Variants in ADCY10 observed in about 807,000 individuals in gnomAD.
ADCY10 encodes adenylate cyclase type 10.
Under a neutral mutation model 183.3 loss-of-function variants are expected in ADCY10, and 156 were observed. The observed-to-expected ratio is 0.85, with a 90% CI of 0.75 to 0.97. The LOEUF (loss-of-function observed/expected upper bound fraction) is 0.97, where lower values mean the gene tolerates loss of function less well. Among genes scored for constraint, ADCY10 ranks in the 50% least tolerant of loss-of-function variants. ADCY10 has a pLI of 0.00. For missense variants in ADCY10, 1,745 were observed against 1,934.3 expected (o/e 0.90, Z 1.84); for synonymous variants, 645 against 670.0 (o/e 0.96, Z 0.58).
chr1:167,863,123 T>C (rs1666401898), intron 14 of ADCY10, among the ~76,000 whole-genome samples: 2 of 152,166 alleles, frequency 1.3e-5, no homozygotes, highest in South Asian at 4.1e-4. Flanking sequence ...CATATTGTTT[T>C]ATACTCAGAA....
At chr1:167,890,530 T>C (rs1457507602) in intron 8 of ADCY10, among the ~76,000 whole-genome samples, 1 of 152,160 alleles carries the variant, frequency 6.6e-6, no homozygotes, top group African/African-American at 2.4e-5. Flanking sequence ...GCACTGGATA[T>C]TGCCCAAGGC....
intron 1 of ADCY10, among the ~76,000 whole-genome samples, chr1:167,906,325 T>C (rs994480941): frequency 1.3e-5 from 2 of 151,294 alleles, no homozygotes; most frequent in African/African-American, 4.9e-5. Context: ...AACTCAAATG[T>C]TAAGAAGTGA....
intron 19 of ADCY10, among the ~76,000 whole-genome samples, chr1:167,847,567 C>T (rs750437938): frequency 2.6e-5 from 4 of 152,162 alleles, no homozygotes; most frequent in Non-Finnish European, 5.9e-5. Context: ...ATGCATGCGC[C>T]ACCATGCCCG....
chr1:167,838,008 A>T (rs892068062), intron 21 of ADCY10, among the ~76,000 whole-genome samples: 7 of 152,248 alleles, frequency 4.6e-5, no homozygotes, highest in African/African-American at 1.7e-4. Flanking sequence ...AGAAGAAAGA[A>T]TCCCAGAGAG....
At chr1:167,908,420 G>A (rs1308786926) in intron 1 of ADCY10, among the ~76,000 whole-genome samples, 2 of 152,114 alleles carry the variant, frequency 1.3e-5, no homozygotes, top group Admixed American at 1.3e-4. Flanking sequence ...GGAATGAGAT[G>A]TTGGTGGCTG....
At chr1:167,866,606 G>T (rs956048742) in intron 14 of ADCY10, among the ~76,000 whole-genome samples, 2 of 150,760 alleles carry the variant, frequency 1.3e-5, no homozygotes, top group Non-Finnish European at 3.0e-5. Flanking sequence ...CTTACTCATA[G>T]CAAAGGATAA....
Position 167,878,479 on chromosome 1 carries a change from G to A in ADCY10, c.1373C>T (p.Pro458Leu). ...AGTACGGCCCCAATACTGATACAAT[G>A]GTCCAGAATCTGCAACACCTTTCAT... ...KVMKGVADSG[P>L]LYQYWGRTEK... The change falls in exon 12 of 33, where the codon CCA becomes CTA. Residue 458 changes from proline (P) to leucine (L), a missense_variant. Pro to Leu is a moderately conservative substitution (Grantham distance 98). Coordinates refer to ENST00000367851, the MANE Select transcript of ADCY10 (RefSeq NM_018417.6). The A allele has an allele frequency of 6.2e-7, 1 of 1,614,080 alleles. No individual in the cohort carries two copies. Among genetic ancestry groups the A allele is most frequent in the Non-Finnish European group, 8.5e-7 (1 of 1,180,020 alleles).
At chr1:167,813,632 A>G (rs1322586669) in intron 31 of ADCY10, among the ~76,000 whole-genome samples, 1 of 152,224 alleles carries the variant, frequency 6.6e-6, no homozygotes, top group East Asian at 1.9e-4. Flanking sequence ...AAATACATGG[A>G]CAATTAAGTG....
At chr1:167,882,360 C>T (rs1316754571) in intron 9 of ADCY10, among the ~76,000 whole-genome samples, 1 of 151,868 alleles carries the variant, frequency 6.6e-6, no homozygotes, top group African/African-American at 2.4e-5. Context: ...TGGCGCATGC[C>T]TGTAATCCCA....
At chr1:167,854,569 C>T in intron 17 of ADCY10, 80 bp from the exon 18 acceptor site, 1 of 1,512,378 alleles carries the variant, frequency 6.6e-7, no homozygotes, top group Admixed American at 1.7e-5. Context: ...TTCTCAATCA[C>T]TTGAAAATAA....
chr1:167,846,959 T>C (rs1459212023), intron 19 of ADCY10, among the ~76,000 whole-genome samples: 1 of 151,670 alleles, frequency 6.6e-6, no homozygotes, highest in Non-Finnish European at 1.5e-5. Flanking sequence ...GGAGTCTCAC[T>C]CTTGTTGCCC....
intron 13 of ADCY10, among the ~76,000 whole-genome samples, chr1:167,873,680 G>A (rs971570906): frequency 1.3e-5 from 2 of 151,868 alleles, no homozygotes; most frequent in Non-Finnish European, 2.9e-5. Flanking sequence ...CTATCACCAG[G>A]AATCACAAAA....
At chr1:167,889,325 A>G (rs1354873725) in intron 8 of ADCY10, among the ~76,000 whole-genome samples, 1 of 152,226 alleles carries the variant, frequency 6.6e-6, no homozygotes, top group Non-Finnish European at 1.5e-5. Flanking sequence ...GCATCAACTG[A>G]AATGATAATA....
intron 8 of ADCY10, 33 bp from the exon 9 acceptor site, chr1:167,883,661 C>T: frequency 6.2e-7 from 1 of 1,610,746 alleles, no homozygotes; most frequent in Admixed American, 1.7e-5. Context: ...CTGTAGGTGT[C>T]CTTGGCAGTG....
At chr1:167,848,576 A>C in intron 18 of ADCY10, 87 bp from the exon 19 acceptor site, 2,492 of 1,410,452 alleles carry the variant, frequency 1.8e-3, no homozygotes, top group Non-Finnish European at 2.2e-3. Context: ...GATGGATCTC[A>C]TATGAGGAAG....
intron 1 of ADCY10, among the ~76,000 whole-genome samples, chr1:167,906,678 A>G (rs1398337500): frequency 6.6e-6 from 1 of 151,532 alleles, no homozygotes; most frequent in African/African-American, 2.4e-5. Context: ...AGTCCCAGCT[A>G]TTCAGGAGGC....
In ADCY10 at chr1:167,841,936, C is replaced by G. The variant is rs371489012; in HGVS notation, c.3007+3627G>C. Among the ~76,000 whole-genome samples, 10 of 152,306 alleles carry G rather than the reference C, an allele frequency of 6.6e-5. No individual in the cohort carries two copies. In the East Asian group the frequency reaches 1.4e-3, roughly 21 times the overall value. ...AATGAAATGCTGAATGAAAGTTCAA[C>G]ATATCTGTAGAAGATAAAGGAGTGA... On this transcript the variant is annotated intron_variant, in intron 21 of 32. Coordinates refer to ENST00000367851, the MANE Select transcript of ADCY10 (RefSeq NM_018417.6).
At chr1:167,849,484 C>T (rs1665311243) in intron 18 of ADCY10, among the ~76,000 whole-genome samples, 1 of 152,130 alleles carries the variant, frequency 6.6e-6, no homozygotes, top group South Asian at 2.1e-4. Flanking sequence ...AGCTGGACTG[C>T]CAGGCAGTAG....
intron 11 of ADCY10, among the ~76,000 whole-genome samples, chr1:167,878,900 T>C (rs1667680695): frequency 6.6e-6 from 1 of 152,202 alleles, no homozygotes; most frequent in Non-Finnish European, 1.5e-5. Flanking sequence ...GGCTTGAGTA[T>C]GGAGCAGGCT....
Sources: allele counts gnomAD v4.1 joint callset (sites outside exome capture counted in the v4.1 genomes callset), GRCh38; gene constraint gnomAD v4.1.1; transcripts MANE v1.5; gene names NCBI Gene and HGNC (gene_info 2026-07-23, HGNC 2026-07-21).